FLG: variants seen among roughly 807,000 people sequenced by gnomAD.
FLG encodes epidermal filaggrin.
In FLG, 6 loss-of-function variants were observed where a neutral mutation model predicts 3.8. That is an observed-to-expected ratio of 1.60 (90% CI 0.87 to 3.15). FLG has a LOEUF of 3.15. Among genes scored for constraint, FLG ranks in the 30% most tolerant of loss-of-function variants. The probability of loss-of-function intolerance (pLI) is 0.00; values close to 1 mark genes in which losing one functional copy is unlikely to be tolerated. For missense variants in FLG, 7,595 were observed against 5,050.9 expected (o/e 1.50, Z -15.27); for synonymous variants, 2,551 against 1,931.6 (o/e 1.32, Z -8.41).
chr1:152,306,848 T>G lies in FLG; in HGVS notation c.8038A>C (p.Arg2680=). Residue 2680 remains arginine, a synonymous_variant, in exon 3 of 3, where the codon AGA becomes CGA. Transcript: ENST00000368799. ...IGHGQASSAV[R]DSGHRGYSGS... ...CTGTACCCTCGGTGTCCACTGTCTC[T>G]GACTGCAGATGAAGCTTGTCCGTGC... 7.9e-7 allele frequency: 1 copy of G among 1,259,758 alleles called. No homozygotes were observed. The highest frequency in any genetic ancestry group is 1.1e-6 in the Non-Finnish European group (1 of 904,106). 78.0% of individuals were successfully genotyped at this position (1,259,758 alleles called of 1,614,324 possible).
In FLG at chr1:152,310,091, C is replaced by T. The variant is rs1310576336; in HGVS notation, c.4795G>A (p.Asp1599Asn). The T allele has an allele frequency of 6.2e-7, 1 of 1,613,948 alleles. No individual in the cohort carries two copies. Among genetic ancestry groups the T allele is most frequent in the Admixed American group, 1.7e-5 (1 of 59,994 alleles). Residue 1599 changes from aspartate (D) to asparagine (N), a missense_variant, in exon 3 of 3, where the codon GAC (aspartate) becomes AAC (asparagine). Asp to Asn is a conservative substitution (Grantham distance 23). Coordinates refer to ENST00000368799, the MANE Select transcript of FLG (RefSeq NM_002016.2). ...RQGSSVSQDR[D>N]SEGHSEDSER... Reference sequence around the variant, plus strand: ...GAGTCTTCTGAGTGTCCCTCACTGTCCCTGTCCTGACTAACACTGGATCCC... The same window carrying T: ...GAGTCTTCTGAGTGTCCCTCACTGTTCCTGTCCTGACTAACACTGGATCCC...
At position 152,321,456 on chromosome 1, in the gene FLG, C is replaced by T. The variant is rs73007750; in HGVS notation, c.-22+3733G>A. ...TTAATCAAGGAAAGAAGAGTAAGTA[C>T]CAATATCAGGAAAGTAAAAGGGGAC... On this transcript the variant is annotated intron_variant, in intron 1 of 2. Coordinates refer to ENST00000368799, the MANE Select transcript of FLG (RefSeq NM_002016.2). 5.7e-3 allele frequency among the ~76,000 whole-genome samples: 865 copies of T among 150,830 alleles called. 17 individuals carry two copies. The highest frequency in any genetic ancestry group is 0.02 in the African/African-American group (824 of 41,376).
intron 1 of FLG, among the ~76,000 whole-genome samples, chr1:152,317,434 C>T (rs1338843802): frequency 6.6e-6 from 1 of 152,098 alleles, no homozygotes; most frequent in African/African-American, 2.4e-5. Flanking sequence ...AAATATCCTT[C>T]ATATTTCCAA....
In FLG at chr1:152,311,875, T is replaced by C. The variant is rs756865281; in HGVS notation, c.3011A>G (p.Gln1004Arg). 2 of 1,614,126 alleles carry C rather than the reference T, an allele frequency of 1.2e-6. No homozygotes were observed. Among genetic ancestry groups the C allele is most frequent in the South Asian group, 1.1e-5 (1 of 91,072 alleles). ...GHGHSADSSR[Q>R]SGTPHAETSS... ...AGTCTCTGCGTGAGGAGTTCCTGAT[T>C]GTCTGGAGCTGTCTGCAGAGTGCCC... is the stretch of plus-strand genomic sequence containing the variant. The change falls in exon 3 of 3, where the codon CAA (glutamine) becomes CGA (arginine). Residue 1004 changes from glutamine (Q) to arginine (R), a missense_variant. By Grantham distance (43) the Gln-to-Arg change is conservative. Coordinates refer to ENST00000368799, the MANE Select transcript of FLG (RefSeq NM_002016.2).
chr1:152,320,618 G>C (rs932215677), intron 1 of FLG, among the ~76,000 whole-genome samples: 2 of 150,824 alleles, frequency 1.3e-5, no homozygotes, highest in Non-Finnish European at 3.0e-5. Context: ...AATCATAGTG[G>C]GGTATTTAAA....
chr1:152,308,785 C>A lies in FLG; in HGVS notation c.6101G>T (p.Ser2034Ile). The change falls in exon 3 of 3, where the codon AGT becomes ATT. Residue 2034 changes from serine to isoleucine, a missense_variant. Ser to Ile is a moderately radical substitution (Grantham distance 142). Transcript: ENST00000368799. ...ACTACCACTGTACCCTCGGTGTCCA[C>A]TGTCTCTGACTGCAGATGAAGCTTG... Reference protein sequence around the residue: ...HGQASSAVRDSGHRGYSGSQA... With the variant: ...HGQASSAVRDIGHRGYSGSQA... The A allele has an allele frequency of 6.2e-7, 1 of 1,614,200 alleles. No individual in the cohort carries two copies. Among genetic ancestry groups the A allele is most frequent in the Non-Finnish European group, 8.5e-7 (1 of 1,180,026 alleles).
Position 152,304,968 on chromosome 1 carries a change from G to A in FLG, c.9918C>T (p.His3306=). The stretch of plus-strand genomic sequence containing the variant: ...GTCTGGAGCTGTCTGCTGACTGCTG[G>A]TGGCGGGATCCGTGTCTCTCTCCTG... ...SSPGERHGSR[H]QQSADSSRHS... is the part of the protein sequence containing the mutation. The change falls in exon 3 of 3, where the codon CAC becomes CAT. Residue 3306 remains histidine, a synonymous_variant. Transcript: ENST00000368799. 2 of 1,613,662 alleles carry A rather than the reference G, an allele frequency of 1.2e-6. No individual in the cohort carries two copies. Among genetic ancestry groups the A allele is most frequent in the Non-Finnish European group, 1.7e-6 (2 of 1,179,922 alleles).
In FLG at chr1:152,304,395, A is replaced by G. The variant is rs3126066; in HGVS notation, c.10491T>C (p.Asp3497=). The part of the protein sequence containing the change: ...RQTRNDEQSG[D]GSRHSWSHHH... ...GATGCGACCATGAGTGCCTGGAGCC[A>G]TCTCCTGATTGTTCGTCATTACGAG... Residue 3497 remains aspartate (D), a synonymous_variant, in exon 3 of 3, where the codon GAT becomes GAC. Transcript: ENST00000368799. 0.2 allele frequency: 322,988 copies of G among 1,610,600 alleles called. 50,977 individuals are homozygous for G. Among genetic ancestry groups the G allele is most frequent in the East Asian group, 0.6 (26,670 of 44,468 alleles).
At position 152,308,921 on chromosome 1, in the gene FLG, G is replaced by C. The variant is rs982240165; in HGVS notation, c.5965C>G (p.Gln1989Glu). The C allele has an allele frequency of 1.2e-6, 2 of 1,614,154 alleles. No individual in the cohort carries two copies. Among genetic ancestry groups the C allele is most frequent in the South Asian group, 2.2e-5 (2 of 91,072 alleles). Residue 1989 changes from glutamine (Q) to glutamate (E), a missense_variant, in exon 3 of 3, where the codon CAG becomes GAG. Physicochemically the swap from Gln to Glu is conservative, Grantham distance 29. Coordinates refer to ENST00000368799, the MANE Select transcript of FLG (RefSeq NM_002016.2). ...GCCTGTTCATGGGATGACGCAGCCT[G>C]TCCACGAGAGGAAGACTCTGTGTGA... ...TRHTESSSRG[Q>E]AASSHEQARS...
rs769466242 is a variant in FLG at position 152,306,125 on chromosome 1, C to A, written c.8761G>T (p.Glu2921Ter). The change falls in exon 3 of 3, where the codon GAG (glutamate) becomes TAG (stop). Residue 2921 changes from glutamate (E) to a stop codon, truncating the protein, a stop_gained. Transcript: ENST00000368799. LOFTEE classifies it low-confidence loss of function (END_TRUNC). ...TGTCTGGAGCCATCTCTTAGCTGCTCCTGAGCAGATCCATGATGGTTTCTG... is the reference window on the plus strand; with the variant it reads ...TGTCTGGAGCCATCTCTTAGCTGCTACTGAGCAGATCCATGATGGTTTCTG... ...ASRNHHGSAQ[E>*]QLRDGSRHPR... 6.2e-7 allele frequency: 1 copy of A among 1,600,032 alleles called. No individual in the cohort carries two copies. Among genetic ancestry groups the A allele is most frequent in the Non-Finnish European group, 8.5e-7 (1 of 1,180,008 alleles).
chr1:152,316,813 G>T (rs1233567655), intron 1 of FLG, among the ~76,000 whole-genome samples: 1 of 151,804 alleles, frequency 6.6e-6, no homozygotes, highest in Non-Finnish European at 1.5e-5. Context: ...TTTTACCTTG[G>T]TTAGACATTA....
In FLG at chr1:152,304,332, G is replaced by C. The variant is rs1162787802; in HGVS notation, c.10554C>G (p.His3518Gln). Residue 3518 changes from histidine (H) to glutamine (Q), a missense_variant, in exon 3 of 3, where the codon CAC (histidine) becomes CAG (glutamine). Transcript: ENST00000368799. The stretch of plus-strand genomic sequence containing the variant: ...CTGATTGTCCCTGGCCGGACTGTGA[G>C]TGTCTAGAGCTGTCCGCCTGAGTGG... ...EASTQADSSR[H>Q]SQSGQGQSAG... 1 of 1,611,612 alleles carries C rather than the reference G, an allele frequency of 6.2e-7. No individual in the cohort carries two copies. The highest frequency in any genetic ancestry group is 8.5e-7 in the Non-Finnish European group (1 of 1,178,936).
At position 152,312,605 on chromosome 1, in the gene FLG, A is replaced by G. The variant is rs1652529602; in HGVS notation, c.2281T>C (p.Ser761Pro). 2 of 1,608,492 alleles carry G rather than the reference A, an allele frequency of 1.2e-6. No individual in the cohort carries two copies. Among genetic ancestry groups the G allele is most frequent in the Non-Finnish European group, 1.7e-6 (2 of 1,175,940 alleles). Reference sequence around the variant, plus strand: ...CCAGCCTGTCCATGGCCTGACACTGACTGTGTGTCTGAGTCTTCTGAATGT... The same window carrying G: ...CCAGCCTGTCCATGGCCTGACACTGGCTGTGTGTCTGAGTCTTCTGAATGT... ...EGHSEDSDTQSVSGHGQAGHH... is the reference protein window; with the variant it reads ...EGHSEDSDTQPVSGHGQAGHH... Residue 761 changes from serine to proline, a missense_variant, in exon 3 of 3, where the codon TCA becomes CCA. By Grantham distance (74) the Ser-to-Pro change is moderately conservative. Transcript: ENST00000368799.
Position 152,302,884 on chromosome 1 carries a change from T to C in FLG, c.12002A>G (p.Tyr4001Cys), listed in dbSNP as rs748975360. The change falls in exon 3 of 3, where the codon TAC becomes TGC. Residue 4001 changes from tyrosine to cysteine, a missense_variant. Physicochemically the swap from Tyr to Cys is radical, Grantham distance 194. Coordinates refer to ENST00000368799, the MANE Select transcript of FLG (RefSeq NM_002016.2). ...FRHSQHGSVS[Y>C]NSNPVVFKER... The stretch of plus-strand genomic sequence containing the variant: ...CTTGAAAACAACAGGATTGGAATTG[T>C]AACTAACACTTCCGTGCTGAGAGTG... 6.2e-7 allele frequency: 1 copy of C among 1,614,220 alleles called. No individual in the cohort carries two copies. Among genetic ancestry groups the C allele is most frequent in the Non-Finnish European group, 8.5e-7 (1 of 1,180,046 alleles).
chr1:152,303,183 G>T lies in FLG; in HGVS notation c.11703C>A (p.His3901Gln). The T allele has an allele frequency of 6.2e-7, 1 of 1,614,138 alleles. No individual in the cohort carries two copies. Among genetic ancestry groups the T allele is most frequent in the Non-Finnish European group, 8.5e-7 (1 of 1,180,040 alleles). The change falls in exon 3 of 3, where the codon CAC becomes CAA. Residue 3901 changes from histidine (H) to glutamine (Q), a missense_variant. Coordinates refer to ENST00000368799, the MANE Select transcript of FLG (RefSeq NM_002016.2). ...SREQSRDGSR[H>Q]PGSSHRDTAS... ...CTGTATCGCGGTGAGAGGATCCGGG[G>T]TGTCTGGAGCCATCTCTTGACTGCT... is the stretch of plus-strand genomic sequence containing the variant.
chr1:152,322,194 A>G (rs569401774), intron 1 of FLG, among the ~76,000 whole-genome samples: 1 of 151,344 alleles, frequency 6.6e-6, no homozygotes, highest in Non-Finnish European at 1.5e-5. Flanking sequence ...TGAAACTAGT[A>G]TGCCTGCATC....
rs1281110927 is a variant in FLG, at chr1:152,309,357, G to C, written c.5529C>G (p.His1843Gln). The C allele has an allele frequency of 1.2e-6, 2 of 1,613,900 alleles. No individual in the cohort carries two copies. The highest frequency in any genetic ancestry group is 1.7e-5 in the Admixed American group (1 of 60,002). ...ACCTTTCCTGGGACGTGGTGTGGCT[G>C]TGATGAGACCCTGAGTGTCCAGAAC... ...VDSSGHSGSHHSHTTSQERSD... is the reference protein window; with the variant it reads ...VDSSGHSGSHQSHTTSQERSD... The change falls in exon 3 of 3, where the codon CAC becomes CAG. Residue 1843 changes from histidine to glutamine, a missense_variant. His to Gln is a conservative substitution (Grantham distance 24). Transcript: ENST00000368799.
Position 152,304,547 on chromosome 1 carries a change from C to T in FLG, c.10339G>A (p.Gly3447Arg), listed in dbSNP as rs202212230. 103 of 1,609,740 alleles carry T rather than the reference C, an allele frequency of 6.4e-5. 3 individuals are homozygous for T. In the South Asian group the frequency reaches 1.1e-3, roughly 17 times the overall value. Residue 3447 changes from glycine (G) to arginine (R), a missense_variant, in exon 3 of 3, where the codon GGA becomes AGA. Transcript: ENST00000368799. ...HPGSSRRGRQ[G>R]SHYEQSVDRS... ...TCTACCGATTGCTCGTAGTGGGATCCCTGCCTTCCTCTTCTGCTTGACCCC... is the reference window on the plus strand; with the variant it reads ...TCTACCGATTGCTCGTAGTGGGATCTCTGCCTTCCTCTTCTGCTTGACCCC...
In FLG at chr1:152,304,621, G is replaced by C. The variant is rs1422543376; in HGVS notation, c.10265C>G (p.Ser3422Cys). 2.5e-6 allele frequency: 4 copies of C among 1,612,986 alleles called. No homozygotes were observed. In the South Asian group the frequency reaches 3.3e-5, roughly 13 times the overall value. Residue 3422 changes from serine to cysteine, a missense_variant, in exon 3 of 3, where the codon TCC becomes TGC. By Grantham distance (112) the Ser-to-Cys change is moderately radical. Transcript: ENST00000368799. ...GSHHEQARDS[S>C]RHSASQEGQD... ...ACCCTCTTGGGACGCTGAGTGCCTG[G>C]AGCTGTCTCGTGCCTGCTCGTGGTG...
Sources: gnomAD v4.1 joint callset for allele counts (sites outside exome capture counted in the v4.1 genomes callset) on GRCh38, gnomAD v4.1.1 for gene constraint, MANE v1.5 for transcripts, NCBI Gene and HGNC (gene_info 2026-07-23, HGNC 2026-07-21) for gene names.